SLC36A1: variants seen among roughly 807,000 people sequenced by gnomAD.
SLC36A1 encodes the protein solute carrier family 36 member 1.
Under a neutral mutation model 47.5 loss-of-function variants are expected in SLC36A1, and 30 were observed. The ratio of observed to expected loss-of-function variants is 0.63; its 90% CI spans 0.47 to 0.86. SLC36A1 has a LOEUF of 0.86. SLC36A1 is among the 40% of genes least tolerant of loss of function. The probability of loss-of-function intolerance (pLI) is 0.00; values close to 1 mark genes in which losing one functional copy is unlikely to be tolerated. For synonymous variants in SLC36A1, 255 were observed against 249.7 expected (o/e 1.02, Z -0.20); for missense variants, 517 against 606.0 (o/e 0.85, Z 1.54).
chr5:151,393,941 T>A, the SLC36A1 span, among the ~76,000 whole-genome samples: 3 of 150,044 alleles, frequency 2.0e-5, no homozygotes, highest in Admixed American at 1.3e-4. Context: ...TGAATTTGAA[T>A]GTTGGCCTGC....
chr5:151,440,472 A>G (rs921939669), intron 1 of SLC36A1, among the ~76,000 whole-genome samples: 1 of 151,928 alleles, frequency 6.6e-6, no homozygotes, highest in East Asian at 1.9e-4. Context: ...CAGGGACCCA[A>G]GGGGTCTCAA....
At chr5:151,388,164 C>A in the SLC36A1 span, among the ~76,000 whole-genome samples, 1 of 152,158 alleles carries the variant, frequency 6.6e-6, no homozygotes, top group African/African-American at 2.4e-5. Flanking sequence ...CATTTACAAT[C>A]TATTCTCTCT....
the SLC36A1 span, chr5:151,527,488 TGC>T: frequency 9.1e-7 from 1 of 1,101,318 alleles, no homozygotes; most frequent in Admixed American, 2.9e-5. Context: ...CACTTTCCTA[TGC>T]CCACCCCCAC....
Position 151,458,970 on chromosome 5 carries a change from G to T in SLC36A1, c.143+35G>T, listed in dbSNP as rs116798025. The stretch of plus-strand genomic sequence containing the variant: ...TGTTACCTTCTCCTCTCCTGGGTGG[G>T]ATTCGTGTTCCTAAGCCTCCCTTGG... On this transcript the variant is annotated intron_variant, in intron 2 of 10. Transcript: ENST00000243389. 3.5e-4 allele frequency: 554 copies of T among 1,578,810 alleles called. 4 individuals are homozygous for T. The African/African-American group carries it at 6.0e-3, about 17-fold the overall frequency.
At chr5:151,460,092 G>A (rs1236921066) in intron 2 of SLC36A1, among the ~76,000 whole-genome samples, 1 of 152,132 alleles carries the variant, frequency 6.6e-6, no homozygotes, top group Non-Finnish European at 1.5e-5. Flanking sequence ...AGCACAGCTG[G>A]CAGCAGTGTG....
the SLC36A1 span, among the ~76,000 whole-genome samples, chr5:151,369,578 G>A: frequency 7.2e-5 from 11 of 152,318 alleles, no homozygotes; most frequent in African/African-American, 2.2e-4. Context: ...TTGGGCTCAA[G>A]TGATCCTCCT....
the SLC36A1 span, chr5:151,517,506 CTG>C: frequency 1.8e-5 from 24 of 1,312,886 alleles, no homozygotes; most frequent in African/African-American, 2.6e-4. Flanking sequence ...TCCCTGAAAA[CTG>C]TGCAGGGATT....
chr5:151,453,642 A>C (rs1463074360), intron 1 of SLC36A1, among the ~76,000 whole-genome samples: 2 of 152,182 alleles, frequency 1.3e-5, no homozygotes, highest in Non-Finnish European at 2.9e-5. Flanking sequence ...AGTTTTCTCA[A>C]TTCTATATCA....
the SLC36A1 span, among the ~76,000 whole-genome samples, chr5:151,516,926 C>T: frequency 1.3e-5 from 2 of 151,876 alleles, no homozygotes; most frequent in African/African-American, 4.8e-5. Context: ...GCCAACATGG[C>T]AAAACCCCAT....
rs995957387 is a variant in SLC36A1, at chr5:151,488,979, T to C, written c.*725T>C. 3.9e-5 allele frequency: 6 copies of C among 152,216 alleles called. No individual in the cohort carries two copies. The highest frequency in any genetic ancestry group is 7.3e-5 in the Non-Finnish European group (5 of 68,054). The allele number at this position is 152,216 out of a possible 1,614,324, so 9.4% of individuals were successfully genotyped here. A position where few individuals can be genotyped will look rare whatever the true frequency, so the allele number is the denominator to read the frequency against. ...TTTTATTTAAAATCAGATTTTTGTT[T>C]TTAGACTGTCTTAGATCTGGGGCTA... On this transcript the variant is annotated 3_prime_UTR_variant, in exon 11 of 11. Coordinates refer to ENST00000243389, the MANE Select transcript of SLC36A1 (RefSeq NM_078483.4).
chr5:151,349,166 G>A, the SLC36A1 span, among the ~76,000 whole-genome samples: 1 of 152,156 alleles, frequency 6.6e-6, no homozygotes, highest in Non-Finnish European at 1.5e-5. Flanking sequence ...TAATAAGATT[G>A]TTGAGGAGCT....
At chr5:151,359,143 A>G in the SLC36A1 span, among the ~76,000 whole-genome samples, 3 of 152,196 alleles carry the variant, frequency 2.0e-5, no homozygotes, top group Non-Finnish European at 4.4e-5. Context: ...TAAAACAGAC[A>G]TATTGGCCCA....
the SLC36A1 span, among the ~76,000 whole-genome samples, chr5:151,415,973 G>C: frequency 9.2e-5 from 14 of 152,126 alleles, no homozygotes; most frequent in African/African-American, 3.4e-4. Context: ...CAGGTGTGGT[G>C]GTGGGTGCCT....
At chr5:151,382,149 T>C in the SLC36A1 span, 1 of 946,462 alleles carries the variant, frequency 1.1e-6, no homozygotes, top group Non-Finnish European at 1.7e-6. Flanking sequence ...CAGTGCAGAC[T>C]CTGAATTGAA....
chr5:151,544,741 T>A, the SLC36A1 span: 50 of 1,614,074 alleles, frequency 3.1e-5, no homozygotes, highest in Non-Finnish European at 4.2e-5. Flanking sequence ...ATCAAAGGGT[T>A]TCTTGAGTGA....
chr5:151,408,192 CTGT>C, the SLC36A1 span, among the ~76,000 whole-genome samples: 1 of 152,170 alleles, frequency 6.6e-6, no homozygotes, highest in African/African-American at 2.4e-5. Context: ...TTGTTTGCTG[CTGT>C]TGTTGTTTTT....
the SLC36A1 span, among the ~76,000 whole-genome samples, chr5:151,360,677 C>T: frequency 1.3e-5 from 2 of 152,148 alleles, no homozygotes; most frequent in South Asian, 4.2e-4. Context: ...CTGTCCTTTG[C>T]TTTAGTTTCA....
chr5:151,398,006 T>C, the SLC36A1 span, among the ~76,000 whole-genome samples: 1 of 151,920 alleles, frequency 6.6e-6, no homozygotes, highest in African/African-American at 2.4e-5. Flanking sequence ...TAGTCCCAGC[T>C]ACTCAGGAGG....
chr5:151,541,194 G>A, the SLC36A1 span, among the ~76,000 whole-genome samples: 1 of 152,202 alleles, frequency 6.6e-6, no homozygotes, highest in Non-Finnish European at 1.5e-5. Flanking sequence ...CTAAGTGGAG[G>A]TTCTGTAGGA....
Sources: gnomAD v4.1 joint callset for allele counts (sites outside exome capture counted in the v4.1 genomes callset) on GRCh38, gnomAD v4.1.1 for gene constraint, MANE v1.5 for transcripts, NCBI Gene and HGNC (gene_info 2026-07-23, HGNC 2026-07-21) for gene names.